MLIP: variants seen among roughly 807,000 people sequenced by gnomAD.
MLIP encodes muscular LMNA interacting protein.
In MLIP, 79 loss-of-function variants were observed where a neutral mutation model predicts 84.8. That is an observed-to-expected ratio of 0.93 (90% CI 0.78 to 1.12). The LOEUF (loss-of-function observed/expected upper bound fraction) is 1.12, where lower values mean the gene tolerates loss of function less well. Among genes scored for constraint, MLIP ranks in the 50% most tolerant of loss-of-function variants. The probability of loss-of-function intolerance (pLI) is 0.00; values close to 1 mark genes in which losing one functional copy is unlikely to be tolerated. For missense variants in MLIP, 1,257 were observed against 1,160.6 expected (o/e 1.08, Z -1.21); for synonymous variants, 504 against 463.0 (o/e 1.09, Z -1.14).
chr6:54,215,317 AT>A (rs1339988432), intron 11 of MLIP: 1 of 1,376,266 alleles, frequency 7.3e-7, no homozygotes, highest in Admixed American at 3.5e-5. Context: ...GGCTCTTGTG[AT>A]TTTTGAAAAA....
chr6:54,228,171 A>AGAC (rs1304302111), intron 11 of MLIP, among the ~76,000 whole-genome samples: 20 of 118,590 alleles, frequency 1.7e-4, no homozygotes, highest in Non-Finnish European at 3.2e-4. Flanking sequence ...CGACAGAGGG[A>AGAC]GACTGTCTCA....
At chr6:54,208,297 G>T (rs1473572809) in intron 11 of MLIP, among the ~76,000 whole-genome samples, 1 of 152,044 alleles carries the variant, frequency 6.6e-6, no homozygotes, top group Non-Finnish European at 1.5e-5. Flanking sequence ...CAAAAATTTT[G>T]TTTGTTGGCT....
rs1013022721 is a variant in MLIP at position 54,039,387 on chromosome 6, T to A, written c.63+20296T>A. ...AGTATGTTGGATTAAAATGGGTGAA[T>A]GCTACTGAAATGTATTAATGGTCAA... is the stretch of plus-strand genomic sequence containing the variant. On this transcript the variant is annotated intron_variant, in intron 1 of 12. Coordinates refer to the MLIP transcript ENST00000274897. Among the ~76,000 whole-genome samples the A allele has an allele frequency of 9.9e-5, 15 of 152,024 alleles. 1 individual carries two copies. In the South Asian group the frequency reaches 3.1e-3, roughly 31 times the overall value.
upstream of MLIP, among the ~76,000 whole-genome samples, chr6:54,109,687 T>C (rs1309394565): frequency 6.6e-6 from 1 of 152,078 alleles, no homozygotes; most frequent in East Asian, 1.9e-4. Context: ...CATCGTTCTC[T>C]GAAATTCCTC....
intron 9 of MLIP, 34 bp from the exon 10 acceptor site, chr6:54,189,836 T>C: frequency 6.7e-7 from 1 of 1,495,698 alleles, no homozygotes; most frequent in Non-Finnish European, 9.3e-7. Context: ...AAATTATGAG[T>C]TTCACTAATA....
At chr6:54,052,156 C>A (rs1185576017) in intron 1 of MLIP, among the ~76,000 whole-genome samples, 1 of 152,154 alleles carries the variant, frequency 6.6e-6, no homozygotes, top group Non-Finnish European at 1.5e-5. Flanking sequence ...AGAACGCTGA[C>A]TTGCCTAGTT....
At chr6:54,254,416 C>T (rs1181111755) in intron 12 of MLIP, among the ~76,000 whole-genome samples, 2 of 152,016 alleles carry the variant, frequency 1.3e-5, no homozygotes, top group Non-Finnish European at 2.9e-5. Flanking sequence ...TGAGCCACCA[C>T]ACCCAGTCAG....
intron 10 of MLIP, among the ~76,000 whole-genome samples, chr6:54,191,997 GTA>G (rs781044396): frequency 1.3e-4 from 20 of 149,028 alleles, no homozygotes; most frequent in Middle Eastern, 3.5e-3. Context: ...ATATATATGT[GTA>G]TATATATATA....
At chr6:54,153,352 A>C (rs1773659898) in intron 5 of MLIP, among the ~76,000 whole-genome samples, 1 of 151,936 alleles carries the variant, frequency 6.6e-6, no homozygotes, top group African/African-American at 2.4e-5. Flanking sequence ...TCATTTTTTG[A>C]GATGGAGTCT....
chr6:54,141,510 T>G (rs183878588), intron 4 of MLIP, among the ~76,000 whole-genome samples: 31 of 152,262 alleles, frequency 2.0e-4, no homozygotes, highest in Non-Finnish European at 3.5e-4. Context: ...TTTCACCATG[T>G]TGGCCAGGCT....
At chr6:54,109,564 T>G (rs1352049916), upstream of MLIP, among the ~76,000 whole-genome samples, 1 of 151,874 alleles carries the variant, frequency 6.6e-6, no homozygotes, top group East Asian at 1.9e-4. Context: ...GCCCTCTCTC[T>G]TTGCTTGAAA....
intron 8 of MLIP, among the ~76,000 whole-genome samples, chr6:54,161,351 A>G (rs1357482866): frequency 1.3e-5 from 2 of 151,964 alleles, no homozygotes; most frequent in African/African-American, 4.8e-5. Context: ...GATATTTTAG[A>G]TTGTTAGAGT....
At chr6:54,086,773 C>T (rs533328731) in intron 1 of MLIP, among the ~76,000 whole-genome samples, 7 of 152,136 alleles carry the variant, frequency 4.6e-5, no homozygotes, top group Non-Finnish European at 1.0e-4. Flanking sequence ...TTTTGCTGTT[C>T]TCTCTTCTTG....
At chr6:54,134,077 T>G (rs1456697449) in intron 3 of MLIP, among the ~76,000 whole-genome samples, 1 of 152,054 alleles carries the variant, frequency 6.6e-6, no homozygotes, top group East Asian at 1.9e-4. Context: ...TAGAGGGTTA[T>G]GAATGGTAGA....
chr6:54,061,025 T>A (rs1765935166), intron 1 of MLIP, among the ~76,000 whole-genome samples: 2 of 151,882 alleles, frequency 1.3e-5, no homozygotes, highest in African/African-American at 2.4e-5. Flanking sequence ...AATCTGTTTG[T>A]GTTTCACATA....
At chr6:54,110,416 G>GTGTAAAATAGAAGAAGGCTCATAGTTTT (rs1474866317), upstream of MLIP, among the ~76,000 whole-genome samples, 1 of 152,124 alleles carries the variant, frequency 6.6e-6, no homozygotes, top group Non-Finnish European at 1.5e-5. Flanking sequence ...CCATAAATAT[G>GTGTAAAATAGAAGAAGGCTCATAGTTTT]TGTAAAATAG....
intron 1 of MLIP, among the ~76,000 whole-genome samples, chr6:54,092,983 T>C (rs571204439): frequency 2.0e-5 from 3 of 152,186 alleles, no homozygotes; most frequent in South Asian, 4.2e-4. Context: ...TTCAAGCAAT[T>C]CTCCTGCCTG....
At chr6:54,194,026 G>C (rs1778123126) in intron 10 of MLIP, among the ~76,000 whole-genome samples, 1 of 152,062 alleles carries the variant, frequency 6.6e-6, no homozygotes, top group South Asian at 2.1e-4. Context: ...CTGTTGTCCA[G>C]GATGGAATAC....
chr6:54,154,677 G>A (rs181593131), intron 5 of MLIP, among the ~76,000 whole-genome samples: 224 of 152,186 alleles, frequency 1.5e-3, no homozygotes, highest in African/African-American at 4.8e-3. Context: ...TGCTCATATG[G>A]GATCCCTGCC....
Sources: gnomAD v4.1 joint callset for allele counts (sites outside exome capture counted in the v4.1 genomes callset) on GRCh38, gnomAD v4.1.1 for gene constraint, MANE v1.5 for transcripts, NCBI Gene and HGNC (gene_info 2026-07-23, HGNC 2026-07-21) for gene names.